RTL4: variants seen among roughly 807,000 people sequenced by gnomAD.
The protein encoded by RTL4 is retrotransposon Gag like 4, also known as retrotransposon Gag-like protein 4.
In RTL4, 4 loss-of-function variants were observed where a neutral mutation model predicts 5.3. That is an observed-to-expected ratio of 0.75 (90% confidence interval 0.37 to 1.72). The LOEUF (loss-of-function observed/expected upper bound fraction) is 1.72. RTL4 is among the 40% of genes most tolerant of loss of function. The pLI is 0.04. For missense variants in RTL4, 260 were observed against 227.1 expected, an observed-to-expected ratio of 1.14 and a Z score of -0.93; for synonymous variants, 98 against 87.3, an observed-to-expected ratio of 1.12 and a Z score of -0.68.
chrX:112,310,131 T>C, the RTL4 span, among the ~76,000 whole-genome samples: 1 of 102,613 alleles, frequency 9.7e-6, no homozygotes, highest in Non-Finnish European at 2.0e-5. Context: ...CCTTCCAAAT[T>C]CATATGTTGA....
At chrX:112,230,066 G>C in the RTL4 span, among the ~76,000 whole-genome samples, 1 of 112,194 alleles carries the variant, frequency 8.9e-6, no homozygotes, top group African/African-American at 3.2e-5. Flanking sequence ...TGTCAGACAG[G>C]GACATTTAAG....
At chrX:112,332,642 G>C in the RTL4 span, among the ~76,000 whole-genome samples, 2 of 95,903 alleles carry the variant, frequency 2.1e-5, no homozygotes, top group Non-Finnish European at 4.1e-5. Context: ...GAGAACACAA[G>C]CACACAGGAA....
At chrX:112,387,465 G>T in the RTL4 span, among the ~76,000 whole-genome samples, 1 of 109,066 alleles carries the variant, frequency 9.2e-6, no homozygotes, top group Non-Finnish European at 1.9e-5. Context: ...GAGCCTGGTA[G>T]CCCTGCTGGA....
the RTL4 span, among the ~76,000 whole-genome samples, chrX:112,353,325 A>G: frequency 1.8e-5 from 2 of 111,400 alleles, no homozygotes; most frequent in Admixed American, 9.6e-5. Context: ...CAGCCATCCT[A>G]TTACTGGGCA....
At chrX:112,310,821 ATT>A in the RTL4 span, among the ~76,000 whole-genome samples, 38 of 86,728 alleles carry the variant, frequency 4.4e-4, no homozygotes, top group African/African-American at 4.7e-4. Context: ...TATTATATAT[ATT>A]AATACATTAT....
chrX:112,437,195 G>T, the RTL4 span, among the ~76,000 whole-genome samples: 1 of 111,624 alleles, frequency 9.0e-6, no homozygotes, highest in South Asian at 3.7e-4. Context: ...TAAGTTAGGA[G>T]CTCAAGGGAA....
At chrX:112,402,400 TTGTGTGTGTGTGTGTG>T in the RTL4 span, among the ~76,000 whole-genome samples, 210 of 87,417 alleles carry the variant, frequency 2.4e-3, no homozygotes, top group African/African-American at 8.4e-3. Flanking sequence ...GGAATTATTA[TTGTGTGTGTGTGTGTG>T]TGTGTGTGTG....
chrX:112,307,580 G>A, the RTL4 span, among the ~76,000 whole-genome samples: 2 of 111,215 alleles, frequency 1.8e-5, no homozygotes, highest in Non-Finnish European at 3.8e-5. Context: ...GGCCTTACAG[G>A]ACACACCTTA....
the RTL4 span, among the ~76,000 whole-genome samples, chrX:112,249,790 T>G: frequency 0.13 from 12,841 of 99,557 alleles, 767 homozygotes; most frequent in East Asian, 0.2. Flanking sequence ...TATATATATA[T>G]ATAGAGAGAG....
the RTL4 span, among the ~76,000 whole-genome samples, chrX:112,415,571 T>A: frequency 9.0e-6 from 1 of 111,601 alleles, no homozygotes; most frequent in East Asian, 2.8e-4. Flanking sequence ...TAGAAATTAC[T>A]ATTGTGTATA....
chrX:112,092,438 T>C, the RTL4 span, among the ~76,000 whole-genome samples: 1 of 111,655 alleles, frequency 9.0e-6, no homozygotes, highest in Middle Eastern at 4.6e-3. Flanking sequence ...CTCACTTCTA[T>C]ATGTACTTCC....
the RTL4 span, among the ~76,000 whole-genome samples, chrX:112,404,305 G>A: frequency 8.9e-6 from 1 of 112,029 alleles, no homozygotes; most frequent in South Asian, 3.7e-4. Flanking sequence ...TCTATCAAAA[G>A]TAAGAAAACA....
At chrX:112,247,057 A>G in the RTL4 span, among the ~76,000 whole-genome samples, 15 of 111,910 alleles carry the variant, frequency 1.3e-4, no homozygotes, top group Non-Finnish European at 2.6e-4. Context: ...TAATTCAAAT[A>G]CATTTAAATA....
At chrX:112,423,904 TA>T in the RTL4 span, among the ~76,000 whole-genome samples, 3 of 111,826 alleles carry the variant, frequency 2.7e-5, no homozygotes, top group African/African-American at 9.7e-5. Context: ...CCTACCTATC[TA>T]ATATCCTAAA....
At chrX:112,286,218 G>T in the RTL4 span, among the ~76,000 whole-genome samples, 1 of 111,930 alleles carries the variant, frequency 8.9e-6, no homozygotes, top group Admixed American at 9.5e-5. Flanking sequence ...AGTGAAAATA[G>T]CAAGTGCAAA....
the RTL4 span, among the ~76,000 whole-genome samples, chrX:112,085,046 T>C: frequency 2.7e-5 from 3 of 112,122 alleles, no homozygotes; most frequent in Non-Finnish European, 5.6e-5. Context: ...CTTAGCAGAG[T>C]ATCTCCTAGT....
chrX:112,452,089 C>CTT (rs763942705), upstream of RTL4, among the ~76,000 whole-genome samples: 6 of 90,972 alleles, frequency 6.6e-5, no homozygotes, highest in Non-Finnish European at 8.8e-5. Flanking sequence ...TGGGAAAGAC[C>CTT]TTTTTTTTTT....
chrX:112,279,219 G>C, the RTL4 span, among the ~76,000 whole-genome samples: 1 of 111,423 alleles, frequency 9.0e-6, no homozygotes, highest in Non-Finnish European at 1.9e-5. Flanking sequence ...CATATTTAAA[G>C]GGCCAAATTA....
chrX:112,316,564 C>A, the RTL4 span, among the ~76,000 whole-genome samples: 1 of 112,044 alleles, frequency 8.9e-6, no homozygotes, highest in Non-Finnish European at 1.9e-5. Flanking sequence ...AAACCCTATG[C>A]TTCTACCTTT....
Sources: allele counts gnomAD v4.1 joint callset (sites outside exome capture counted in the v4.1 genomes callset), GRCh38; gene constraint gnomAD v4.1.1; transcripts MANE v1.5; gene names NCBI Gene and HGNC (gene_info 2026-07-23, HGNC 2026-07-21).